The following PRDM11 variants were observed in gnomAD, a reference collection of about 807,000 sequenced individuals.
PRDM11 encodes PR/SET domain 11.
PRDM11 carries 20 observed loss-of-function variants against 97.8 expected under a neutral mutation model. The observed-to-expected ratio is 0.20, with a 90% CI of 0.14 to 0.30. PRDM11 has a LOEUF of 0.30. PRDM11 is among the 10% of genes least tolerant of loss of function. PRDM11 has a pLI of 1.00. For missense variants in PRDM11, 1,139 were observed against 1,555.2 expected (o/e 0.73, Z 4.50); for synonymous variants, 599 against 637.7 (o/e 0.94, Z 0.91).
chr11:45,217,385 T>C (rs1853987108), intron 5 of PRDM11, among the ~76,000 whole-genome samples: 1 of 152,220 alleles, frequency 6.6e-6, no homozygotes, highest in Non-Finnish European at 1.5e-5. Context: ...TACTCAGGGA[T>C]AGCGATGCTT....
At chr11:45,185,165 T>G (rs1255264741) in intron 4 of PRDM11, among the ~76,000 whole-genome samples, 2 of 152,180 alleles carry the variant, frequency 1.3e-5, no homozygotes, top group Non-Finnish European at 2.9e-5. Flanking sequence ...CAAGAGCTAT[T>G]GTAGAAAGCA....
At chr11:45,159,583 T>C (rs2135700796) in intron 1 of PRDM11, among the ~76,000 whole-genome samples, 1 of 152,294 alleles carries the variant, frequency 6.6e-6, no homozygotes, top group African/African-American at 2.4e-5. Flanking sequence ...ATGTCCTGAC[T>C]CTCCTCGTGA....
At chr11:45,210,613 C>G (rs1853695211) in intron 5 of PRDM11, among the ~76,000 whole-genome samples, 1 of 152,216 alleles carries the variant, frequency 6.6e-6, no homozygotes. Flanking sequence ...CTTGCACCTT[C>G]CCTTCCCGGG....
chr11:45,136,354 A>C (rs750906535), intron 1 of PRDM11, among the ~76,000 whole-genome samples: 1 of 152,114 alleles, frequency 6.6e-6, no homozygotes, highest in Non-Finnish European at 1.5e-5. Flanking sequence ...TGAAGTGAAA[A>C]GGTGTCCATC....
intron 1 of PRDM11, among the ~76,000 whole-genome samples, chr11:45,100,887 C>G (rs1382198984): frequency 6.6e-6 from 1 of 152,188 alleles, no homozygotes; most frequent in Admixed American, 6.5e-5. Context: ...AGAGAAGAAA[C>G]TTACAAAGTT....
At chr11:45,215,103 C>T (rs547484435) in intron 5 of PRDM11, among the ~76,000 whole-genome samples, 1 of 152,348 alleles carries the variant, frequency 6.6e-6, no homozygotes, top group Admixed American at 6.5e-5. Flanking sequence ...GGGTCAGGGG[C>T]TGTCCATGTG....
At chr11:45,187,799 C>CGTGTGTGTGTGTGTGTGT (rs61613469) in intron 4 of PRDM11, among the ~76,000 whole-genome samples, 3 of 147,090 alleles carry the variant, frequency 2.0e-5, no homozygotes, top group African/African-American at 7.6e-5. Context: ...AAGAAAAGTT[C>CGTGTGTGTGTGTGTGTGT]GTGTGTGTGT....
At chr11:45,112,411 G>A (rs1484146935) in intron 1 of PRDM11, among the ~76,000 whole-genome samples, 2 of 152,182 alleles carry the variant, frequency 1.3e-5, no homozygotes, top group Non-Finnish European at 2.9e-5. Flanking sequence ...GTGTACAGGT[G>A]TTTTTTTCAT....
chr11:45,116,862 A>G (rs1270151788), intron 1 of PRDM11, among the ~76,000 whole-genome samples: 1 of 152,128 alleles, frequency 6.6e-6, no homozygotes, highest in Non-Finnish European at 1.5e-5. Context: ...GAAAGGCTCA[A>G]ATGCAAGAAA....
At chr11:45,147,803 C>G (rs1014952232) in intron 1 of PRDM11, among the ~76,000 whole-genome samples, 1 of 152,342 alleles carries the variant, frequency 6.6e-6, no homozygotes, top group Admixed American at 6.5e-5. Flanking sequence ...AACGTCTCCT[C>G]TTTCCTAGAC....
At position 45,229,425 on chromosome 11, in the gene PRDM11, G is replaced by A. The variant is rs1348424540; in HGVS notation, c.*1266G>A. 1.3e-5 allele frequency: 2 copies of A among 151,850 alleles called. No homozygotes were observed. Among genetic ancestry groups the A allele is most frequent in the Non-Finnish European group, 2.9e-5 (2 of 68,054 alleles). 9.4% of individuals were successfully genotyped at this position (151,850 alleles called of 1,614,324 possible). On this transcript the variant is annotated 3_prime_UTR_variant, in exon 8 of 8. Transcript: ENST00000683152. ...AGGGTAGAGATGTCCTAAAGAAATG[G>A]AGAAAAGAAGAGAGGACTCTCAAGG...
At position 45,233,047 on chromosome 11, in the gene PRDM11, C is replaced by T. The variant is rs368060351; in HGVS notation, c.*4888C>T. On this transcript the variant is annotated 3_prime_UTR_variant, in exon 8 of 8. Coordinates refer to ENST00000683152, the MANE Select transcript of PRDM11 (RefSeq NM_001384648.1). ...ACAGCATATATGTTGTATATATGGA[C>T]ATATACAGTACGTATACACACAGAG... The T allele has an allele frequency of 4.6e-5, 7 of 152,198 alleles. No individual in the cohort carries two copies. In the South Asian group the frequency reaches 8.3e-4, roughly 18 times the overall value. The allele number at this position is 152,198 out of a possible 1,614,324, so 9.4% of individuals were successfully genotyped here.
At position 45,099,831 on chromosome 11, in the gene PRDM11, C is replaced by A. The variant is rs535077218; in HGVS notation, c.96+3930C>A. On this transcript the variant is annotated intron_variant, in intron 1 of 6. Transcript: ENST00000530656. The stretch of plus-strand genomic sequence containing the variant: ...TATGCATTCTTTCTAGCTTAGACTG[C>A]CAATTCTGAAGCTCATGCACTTTAC... Among the ~76,000 whole-genome samples the A allele has an allele frequency of 3.3e-5, 5 of 152,320 alleles. No individual in the cohort carries two copies. The South Asian group carries it at 1.0e-3, about 32-fold the overall frequency.
intron 1 of PRDM11, among the ~76,000 whole-genome samples, chr11:45,160,429 T>C (rs1451739587): frequency 6.6e-6 from 1 of 152,254 alleles, no homozygotes; most frequent in Non-Finnish European, 1.5e-5. Context: ...TGGTCATGAC[T>C]CTAGTATATA....
intron 1 of PRDM11, among the ~76,000 whole-genome samples, chr11:45,098,214 G>A (rs562576895): frequency 2.0e-5 from 3 of 152,318 alleles, no homozygotes; most frequent in Non-Finnish European, 4.4e-5. Flanking sequence ...TTATCATCTG[G>A]GGCCAGGAAG....
chr11:45,134,797 G>C (rs1010278911), intron 1 of PRDM11, among the ~76,000 whole-genome samples: 3 of 146,162 alleles, frequency 2.1e-5, no homozygotes, highest in Non-Finnish European at 4.5e-5. Context: ...ATAGCAATTT[G>C]ATGCAGCAGC....
Position 45,155,173 on chromosome 11 carries a change from G to A in PRDM11, c.-7+8296G>A, listed in dbSNP as rs537109523. 4.6e-5 allele frequency among the ~76,000 whole-genome samples: 7 copies of A among 152,282 alleles called. No individual in the cohort carries two copies. The East Asian group carries it at 9.7e-4, about 21-fold the overall frequency. On this transcript the variant is annotated intron_variant, in intron 1 of 7. Coordinates refer to ENST00000683152, the MANE Select transcript of PRDM11 (RefSeq NM_001384648.1). ...TCACTGAGCAAGTAAATATGGAACC[G>A]CCCCCACAATGTCAGCTTTCCCGGA...
intron 6 of PRDM11, among the ~76,000 whole-genome samples, chr11:45,220,863 G>A (rs2135843994): frequency 6.6e-6 from 1 of 152,270 alleles, no homozygotes; most frequent in East Asian, 1.9e-4. Flanking sequence ...CCTGACCAGT[G>A]TAGACTGGTG....
intron 1 of PRDM11, among the ~76,000 whole-genome samples, chr11:45,121,579 C>G (rs886628656): frequency 3.0e-4 from 45 of 152,120 alleles, no homozygotes; most frequent in African/African-American, 1.1e-3. Context: ...TTAAACAACA[C>G]AATTAAGCAA....
Sources: gnomAD v4.1 joint callset for allele counts (sites outside exome capture counted in the v4.1 genomes callset) on GRCh38, gnomAD v4.1.1 for gene constraint, MANE v1.5 for transcripts, NCBI Gene and HGNC (gene_info 2026-07-23, HGNC 2026-07-21) for gene names.